SHC4: variants seen among roughly 807,000 people sequenced by gnomAD.
SHC4 encodes SHC-transforming protein 4.
In SHC4, 41 loss-of-function variants were observed where a neutral mutation model predicts 69.4. The observed-to-expected ratio is 0.59, with a 90% CI of 0.46 to 0.77. SHC4 has a LOEUF of 0.77. SHC4 is among the 30% of genes least tolerant of loss of function. The probability of loss-of-function intolerance (pLI) is 0.00; values close to 1 mark genes in which losing one functional copy is unlikely to be tolerated. For missense variants in SHC4, 777 were observed against 783.8 expected (o/e 0.99, Z 0.10); for synonymous variants, 318 against 299.3 (o/e 1.06, Z -0.64).
intron 1 of SHC4, among the ~76,000 whole-genome samples, chr15:48,945,351 TC>T (rs138964160): frequency 0.1 from 15,360 of 149,802 alleles, 997 homozygotes; most frequent in Non-Finnish European, 0.12. Context: ...TGAATTCCAA[TC>T]AGTATCCACT....
At chr15:48,948,462 G>C (rs1161985137) in intron 1 of SHC4, among the ~76,000 whole-genome samples, 1 of 152,192 alleles carries the variant, frequency 6.6e-6, no homozygotes, top group East Asian at 1.9e-4. Flanking sequence ...AAGCCAACAG[G>C]CTACCAATAT....
chr15:48,938,752 G>T (rs67168913), intron 1 of SHC4, among the ~76,000 whole-genome samples: 2 of 151,954 alleles, frequency 1.3e-5, no homozygotes. Flanking sequence ...AAACCTTTTT[G>T]TCTAAGCCAC....
chr15:48,955,344 G>T (rs1901431160), intron 1 of SHC4, among the ~76,000 whole-genome samples: 1 of 152,138 alleles, frequency 6.6e-6, no homozygotes, highest in Admixed American at 6.5e-5. Context: ...GGGGTGTGGG[G>T]CAGCCTGTGT....
At chr15:48,892,393 G>C (rs1851874271) in intron 2 of SHC4, among the ~76,000 whole-genome samples, 1 of 152,046 alleles carries the variant, frequency 6.6e-6, no homozygotes, top group Admixed American at 6.5e-5. Flanking sequence ...TGGATCTTTG[G>C]TTAGCATATA....
chr15:48,872,486 T>C (rs1197705645), intron 4 of SHC4, among the ~76,000 whole-genome samples: 1 of 152,188 alleles, frequency 6.6e-6, no homozygotes, highest in East Asian at 1.9e-4. Flanking sequence ...CATTAAAAAC[T>C]ATGTAAGCCC....
chr15:48,848,013 A>C (rs776846786), intron 9 of SHC4, among the ~76,000 whole-genome samples: 1 of 151,300 alleles, frequency 6.6e-6, no homozygotes, highest in African/African-American at 2.4e-5. Flanking sequence ...AAAAAAAAAA[A>C]AAAACAAAAA....
intron 6 of SHC4, among the ~76,000 whole-genome samples, chr15:48,860,094 G>A (rs1899411755): frequency 6.6e-6 from 1 of 152,118 alleles, no homozygotes. Context: ...ATAATATCAA[G>A]TATGGCTTAA....
At chr15:48,838,150 C>T (rs2064037785) in intron 10 of SHC4, among the ~76,000 whole-genome samples, 1 of 152,138 alleles carries the variant, frequency 6.6e-6, no homozygotes, top group Admixed American at 6.6e-5. Context: ...TATGTTTATA[C>T]AGACACATTT....
intron 11 of SHC4, among the ~76,000 whole-genome samples, chr15:48,831,261 A>T (rs1024552667): frequency 1.1e-4 from 15 of 135,416 alleles, no homozygotes; most frequent in South Asian, 4.5e-4. Flanking sequence ...AAAGAAAATT[A>T]AAAAAAATAA....
At chr15:48,841,603 T>C (rs907053732) in intron 10 of SHC4, among the ~76,000 whole-genome samples, 3 of 152,152 alleles carry the variant, frequency 2.0e-5, no homozygotes, top group African/African-American at 2.4e-5. Flanking sequence ...TTGGGCCCAA[T>C]GTAGGACAAC....
intron 4 of SHC4, among the ~76,000 whole-genome samples, chr15:48,882,268 G>T (rs1016636539): frequency 6.6e-6 from 1 of 152,008 alleles, no homozygotes; most frequent in Non-Finnish European, 1.5e-5. Context: ...TTTCCCCTAG[G>T]CCTGCAGGAA....
At chr15:48,843,174 G>C (rs1033745971) in intron 10 of SHC4, among the ~76,000 whole-genome samples, 3 of 152,146 alleles carry the variant, frequency 2.0e-5, no homozygotes, top group Non-Finnish European at 2.9e-5. Flanking sequence ...CAGTTGCAGA[G>C]ATTAGAGTGA....
intron 2 of SHC4, among the ~76,000 whole-genome samples, chr15:48,909,440 C>A (rs1900468409): frequency 6.6e-6 from 1 of 152,070 alleles, no homozygotes; most frequent in South Asian, 2.1e-4. Flanking sequence ...GTTCTAGGAG[C>A]TTTCTGGAGG....
At chr15:48,838,629 G>T (rs1046018773) in intron 10 of SHC4, among the ~76,000 whole-genome samples, 6 of 152,136 alleles carry the variant, frequency 3.9e-5, no homozygotes, top group African/African-American at 1.2e-4. Flanking sequence ...TTAAATGTCT[G>T]TCAGACATGT....
At position 48,865,584 on chromosome 15, in the gene SHC4, A is replaced by C. The variant is rs1376280858; in HGVS notation, c.946+2234T>G. Among the ~76,000 whole-genome samples the C allele has an allele frequency of 3.3e-5, 5 of 152,222 alleles. No individual in the cohort carries two copies. The East Asian group carries it at 9.6e-4, about 29-fold the overall frequency. On this transcript the variant is annotated intron_variant, in intron 6 of 11. Transcript: ENST00000332408. The stretch of plus-strand genomic sequence containing the variant: ...AAATCAAGGTTTGAGGTTGTGAAAC[A>C]ATCTGCCTGACATCGTACAGTGAGA...
chr15:48,874,580 T>C (rs1312731650), intron 4 of SHC4, among the ~76,000 whole-genome samples: 1 of 152,196 alleles, frequency 6.6e-6, no homozygotes, highest in Non-Finnish European at 1.5e-5. Flanking sequence ...GGGATCTAGG[T>C]TGCATGCTCC....
intron 2 of SHC4, among the ~76,000 whole-genome samples, chr15:48,910,706 A>C (rs1422176891): frequency 6.6e-6 from 1 of 152,082 alleles, no homozygotes; most frequent in African/African-American, 2.4e-5. Context: ...ATTTATGGCT[A>C]TGAACTTCCC....
Position 48,963,175 on chromosome 15 carries a change from T to C in SHC4, c.-160A>G, listed in dbSNP as rs1357081730. ...TCGCCCACCTCGGCTCCCGGCCCCT[T>C]AAGGGTGACAGCCCATGGGGGAAAC... On this transcript the variant is annotated 5_prime_UTR_variant, in exon 1 of 12. An upstream open reading frame in the 5' UTR loses its in-frame stop. Transcript: ENST00000332408. 2.9e-6 allele frequency: 2 copies of C among 701,182 alleles called. No homozygotes were observed. Among genetic ancestry groups the C allele is most frequent in the Non-Finnish European group, 4.6e-6 (2 of 432,624 alleles). The allele number at this position is 701,182 out of a possible 1,614,324, so 43.4% of individuals were successfully genotyped here.
chr15:48,875,448 T>G (rs1300354335), intron 4 of SHC4, among the ~76,000 whole-genome samples: 2 of 152,224 alleles, frequency 1.3e-5, no homozygotes, highest in Non-Finnish European at 2.9e-5. Context: ...TCTAAGGACA[T>G]TTGTCATGAA....
Sources: allele counts gnomAD v4.1 joint callset (sites outside exome capture counted in the v4.1 genomes callset), GRCh38; gene constraint gnomAD v4.1.1; transcripts MANE v1.5; gene names NCBI Gene and HGNC (gene_info 2026-07-23, HGNC 2026-07-21).